The following EQTN variants were observed in gnomAD, a reference collection of about 807,000 sequenced individuals.
The protein encoded by EQTN is Acrosome formation associated factor.
A neutral mutation model predicts 26.9 loss-of-function variants in EQTN; 29 were observed. The observed-to-expected ratio is 1.08, with a 90% CI of 0.80 to 1.47. EQTN has a LOEUF of 1.47. EQTN is among the 40% of genes most tolerant of loss of function. The pLI, the probability that EQTN is intolerant of heterozygous loss-of-function variation, is 0.00. For synonymous variants in EQTN, 129 were observed against 120.0 expected (o/e 1.07, Z -0.49); for missense variants, 391 against 346.1 (o/e 1.13, Z -1.03).
intron 5 of EQTN, among the ~76,000 whole-genome samples, chr9:27,290,434 A>T (rs978651127): frequency 3.3e-5 from 5 of 152,346 alleles, no homozygotes; most frequent in African/African-American, 1.2e-4. Flanking sequence ...AATATTAATG[A>T]GTAGGTGATA....
intron 6 of EQTN, 74 bp downstream of exon 6, chr9:27,289,598 C>T: frequency 7.8e-7 from 1 of 1,288,628 alleles, no homozygotes; most frequent in African/African-American, 1.5e-5. Context: ...GATCCACCTG[C>T]CTCAGCCTCC....
chr9:27,291,094 C>A (rs758102913), intron 4 of EQTN, 31 bp from the exon 5 acceptor site: 2 of 1,575,412 alleles, frequency 1.3e-6, no homozygotes, highest in Non-Finnish European at 1.7e-6. Context: ...ACAACAAGAA[C>A]AACAAGAAAA....
intron 2 of EQTN, 130 bp downstream of exon 2, chr9:27,296,483 A>T: frequency 1.6e-6 from 1 of 632,726 alleles, no homozygotes; most frequent in Non-Finnish European, 2.6e-6. Flanking sequence ...ATGAACAGGC[A>T]GGTCACAGAA....
In EQTN at chr9:27,297,097, C is replaced by G; in HGVS notation, c.-42G>C. ...TTTATCCAGTAATCTAGTGCGTCTA[C>G]CCAGAGCCTCCTTTCTGTGGCCCAG... is the stretch of plus-strand genomic sequence containing the variant. On this transcript the variant is annotated 5_prime_UTR_variant, in exon 1 of 8. Coordinates refer to ENST00000380032, the MANE Select transcript of EQTN (RefSeq NM_020641.3). 3.6e-6 allele frequency: 5 copies of G among 1,400,332 alleles called. No homozygotes were observed. The highest frequency in any genetic ancestry group is 5.0e-6 in the Non-Finnish European group (5 of 1,004,612). 86.7% of individuals were successfully genotyped at this position (1,400,332 alleles called of 1,614,324 possible). A position where few individuals can be genotyped will look rare whatever the true frequency, so the allele number is the denominator to read the frequency against.
chr9:27,289,345 C>T (rs922226493), intron 6 of EQTN, among the ~76,000 whole-genome samples: 3 of 152,144 alleles, frequency 2.0e-5, no homozygotes, highest in African/African-American at 7.2e-5. Flanking sequence ...ATGTTAGTCA[C>T]CTTTCATACG....
At position 27,291,062 on chromosome 9, in the gene EQTN, T is replaced by A. The variant is rs369271107; in HGVS notation, c.378A>T (p.Arg126Ser). The A allele has an allele frequency of 6.6e-5, 106 of 1,610,106 alleles. No homozygotes were observed. Among genetic ancestry groups the A allele is most frequent in the Non-Finnish European group, 8.8e-5 (104 of 1,178,220 alleles). The change falls in exon 5 of 8, where the codon AGA (arginine) becomes AGT (serine). Residue 126 changes from arginine to serine, a missense_variant and splice_region_variant. Coordinates refer to ENST00000380032, the MANE Select transcript of EQTN (RefSeq NM_020641.3). The part of the protein sequence containing the change: ...TSEPSHKNIQ[R>S]STPNVPAFWT... ...AAAATGCAGGCACGTTTGGGGTTGA[T>A]CCTGTTAAAACAAAACAAAACACAA...
intron 5 of EQTN, among the ~76,000 whole-genome samples, chr9:27,290,551 T>C (rs1002975332): frequency 6.6e-6 from 1 of 152,272 alleles, no homozygotes; most frequent in African/African-American, 2.4e-5. Context: ...CCTTTATACA[T>C]GTGTACATCC....
rs375597316 is a variant in EQTN at position 27,287,995 on chromosome 9, G to A, written c.482-1633C>T. On this transcript the variant is annotated intron_variant, in intron 6 of 7. Transcript: ENST00000380032. ...ATTTTTTGGTATTTTTAACAGAGAC[G>A]GGGTTTCACCATGTTGGCCAGGCTT... Among the ~76,000 whole-genome samples, 14 of 152,130 alleles carry A rather than the reference G, an allele frequency of 9.2e-5. No individual in the cohort carries two copies. In the East Asian group the frequency reaches 2.1e-3, roughly 23 times the overall value.
At chr9:27,285,472 T>C (rs1036294751) in intron 7 of EQTN, among the ~76,000 whole-genome samples, 4 of 152,194 alleles carry the variant, frequency 2.6e-5, no homozygotes, top group Non-Finnish European at 4.4e-5. Context: ...TTTGATTCTA[T>C]GTAACACTTT....
intron 6 of EQTN, among the ~76,000 whole-genome samples, chr9:27,288,180 A>G (rs981947963): frequency 1.3e-5 from 2 of 152,148 alleles, no homozygotes; most frequent in Non-Finnish European, 2.9e-5. Flanking sequence ...TCTTAGATAT[A>G]TCATCATGCT....
At chr9:27,296,851 A>T (rs1451534057) in intron 1 of EQTN, 113 bp from the exon 2 acceptor site, 3 of 1,558,178 alleles carry the variant, frequency 1.9e-6, no homozygotes, top group Non-Finnish European at 2.6e-6. Flanking sequence ...TTTAAAATCT[A>T]AAACATACCA....
chr9:27,289,024 A>T (rs1820174343), intron 6 of EQTN, among the ~76,000 whole-genome samples: 1 of 152,230 alleles, frequency 6.6e-6, no homozygotes, highest in African/African-American at 2.4e-5. Flanking sequence ...ATTAATAATG[A>T]ATCACTATTA....
At chr9:27,296,169 G>A (rs1365983873) in intron 2 of EQTN, among the ~76,000 whole-genome samples, 2 of 152,084 alleles carry the variant, frequency 1.3e-5, no homozygotes, top group Non-Finnish European at 1.5e-5. Flanking sequence ...TTGGTGTGAT[G>A]GCATGTGCCT....
At chr9:27,296,775 T>C (rs1563833983) in intron 1 of EQTN, 37 bp from the exon 2 acceptor site, 1 of 1,585,016 alleles carries the variant, frequency 6.3e-7, no homozygotes, top group Non-Finnish European at 8.5e-7. Flanking sequence ...ATCAGAAATA[T>C]GTTGATTTCT....
rs1203563004 is a variant in EQTN at position 27,289,691 on chromosome 9, T to A, written c.462A>T (p.Gln154His). 9 of 1,608,556 alleles carry A rather than the reference T, an allele frequency of 5.6e-6. No individual in the cohort carries two copies. Among genetic ancestry groups the A allele is most frequent in the Middle Eastern group, 1.7e-4 (1 of 6,054 alleles). ...TCTTACCTGGAATTGGGTGAAATAA[T>A]TGATCTTTATCATCCATGACCACTG... is the stretch of plus-strand genomic sequence containing the variant. ...GTAVVMDDKD[Q>H]LFHPIPESDV... Residue 154 changes from glutamine to histidine, a missense_variant, in exon 6 of 8, where the codon CAA (glutamine) becomes CAT (histidine). Gln to His is a conservative substitution (Grantham distance 24). Coordinates refer to ENST00000380032, the MANE Select transcript of EQTN (RefSeq NM_020641.3).
In EQTN at chr9:27,297,091, C is replaced by T. The variant is rs148098562; in HGVS notation, c.-36G>A. 1.3e-3 allele frequency: 1,931 copies of T among 1,475,194 alleles called. 9 individuals are homozygous for T. The East Asian group carries it at 0.02, about 15-fold the overall frequency. The allele number at this position is 1,475,194 out of a possible 1,614,324, so 91.4% of individuals were successfully genotyped here. A position where few individuals can be genotyped will look rare whatever the true frequency, so the allele number is the denominator to read the frequency against. On this transcript the variant is annotated 5_prime_UTR_variant, in exon 1 of 8. Transcript: ENST00000380032. ...AAGTGATTTATCCAGTAATCTAGTG[C>T]GTCTACCCAGAGCCTCCTTTCTGTG...
chr9:27,296,595 T>A lies in EQTN; in HGVS notation c.202+18A>T. 1 of 1,430,014 alleles carries A rather than the reference T, an allele frequency of 7.0e-7. No homozygotes were observed. Among genetic ancestry groups the A allele is most frequent in the East Asian group, 2.3e-5 (1 of 43,360 alleles). 88.6% of individuals were successfully genotyped at this position (1,430,014 alleles called of 1,614,324 possible). ...ATCAACTTTTGCATATACATTTCTA[T>A]TCACTTTAAAGACTTACATTGTTTT... On this transcript the variant is annotated intron_variant, in intron 2 of 7. Coordinates refer to ENST00000380032, the MANE Select transcript of EQTN (RefSeq NM_020641.3).
At chr9:27,286,596 T>C (rs920799391) in intron 6 of EQTN, among the ~76,000 whole-genome samples, 2 of 152,210 alleles carry the variant, frequency 1.3e-5, no homozygotes, top group Non-Finnish European at 2.9e-5. Flanking sequence ...TTAGCTCCAT[T>C]TTACAGTATC....
intron 3 of EQTN, among the ~76,000 whole-genome samples, chr9:27,293,672 C>T (rs929808715): frequency 6.6e-6 from 1 of 152,202 alleles, no homozygotes; most frequent in Admixed American, 6.5e-5. Flanking sequence ...CACTTAAGAG[C>T]TGCCTCTTCA....
Sources: gnomAD v4.1 joint callset for allele counts (sites outside exome capture counted in the v4.1 genomes callset) on GRCh38, gnomAD v4.1.1 for gene constraint, MANE v1.5 for transcripts, NCBI Gene and HGNC (gene_info 2026-07-23, HGNC 2026-07-21) for gene names.